Variants in MTHFD1L observed in about 807,000 individuals in gnomAD.
The protein encoded by MTHFD1L is monofunctional C1-tetrahydrofolate synthase, mitochondrial.
MTHFD1L carries 81 observed loss-of-function variants against 119.5 expected under a neutral mutation model. The ratio of observed to expected loss-of-function variants is 0.68; its 90% CI spans 0.57 to 0.82. The LOEUF (loss-of-function observed/expected upper bound fraction) is 0.82. MTHFD1L is among the 40% of genes least tolerant of loss of function. MTHFD1L has a pLI of 0.00. For missense variants in MTHFD1L, 1,125 were observed against 1,253.4 expected (o/e 0.90, Z 1.55); for synonymous variants, 430 against 475.2 (o/e 0.90, Z 1.24).
chr6:150,913,409 C>T (rs1223890183), intron 8 of MTHFD1L, among the ~76,000 whole-genome samples: 3 of 152,086 alleles, frequency 2.0e-5, no homozygotes, highest in Non-Finnish European at 2.9e-5. Flanking sequence ...TGGTCATCCG[C>T]CCGACTCGGC....
At chr6:150,883,542 T>C (rs530293638) in intron 5 of MTHFD1L, among the ~76,000 whole-genome samples, 2 of 152,208 alleles carry the variant, frequency 1.3e-5, no homozygotes, top group Non-Finnish European at 2.9e-5. Context: ...CTTAGAAACC[T>C]GATTCCCCAG....
intron 27 of MTHFD1L, among the ~76,000 whole-genome samples, chr6:151,100,766 A>G (rs1048077600): frequency 6.6e-6 from 1 of 152,142 alleles, no homozygotes; most frequent in African/African-American, 2.4e-5. Context: ...TTCCAGGACC[A>G]TGAACTTCCA....
intron 20 of MTHFD1L, among the ~76,000 whole-genome samples, chr6:150,991,468 C>G (rs1439682118): frequency 6.6e-6 from 1 of 152,002 alleles, no homozygotes; most frequent in Admixed American, 6.6e-5. Context: ...TTTTGTTTGC[C>G]TGGAGGTAAT....
intron 20 of MTHFD1L, among the ~76,000 whole-genome samples, chr6:150,977,065 T>G (rs9478157): frequency 0.45 from 68,283 of 152,044 alleles, 17,598 homozygotes; most frequent in African/African-American, 0.67. Flanking sequence ...GGGAATCAAA[T>G]ATGAATAAGA....
intron 26 of MTHFD1L, chr6:151,041,855 C>T (rs747950920): frequency 1.9e-6 from 1 of 530,116 alleles, no homozygotes. Context: ...TAAACATCTC[C>T]AGCATTGCTG....
chr6:150,891,186 A>G (rs942565780), intron 7 of MTHFD1L, among the ~76,000 whole-genome samples: 3 of 152,082 alleles, frequency 2.0e-5, no homozygotes, highest in African/African-American at 7.2e-5. Context: ...GGGTTTCACC[A>G]TGTTGGCCAG....
intron 27 of MTHFD1L, among the ~76,000 whole-genome samples, chr6:151,095,964 G>A (rs950053798): frequency 2.0e-5 from 3 of 152,150 alleles, no homozygotes; most frequent in Non-Finnish European, 2.9e-5. Flanking sequence ...CAGAGAAGTC[G>A]ACAACCTGCT....
chr6:150,896,581 G>T (rs1784260813), intron 7 of MTHFD1L, among the ~76,000 whole-genome samples: 1 of 152,198 alleles, frequency 6.6e-6, no homozygotes. Context: ...TAAGTGCACT[G>T]AATAGTGTTG....
chr6:150,868,311 C>T (rs892260453), intron 1 of MTHFD1L, among the ~76,000 whole-genome samples: 14 of 151,212 alleles, frequency 9.3e-5, no homozygotes, highest in South Asian at 2.1e-4. Flanking sequence ...ACATACAAGA[C>T]AAGTCCCTCA....
In MTHFD1L at chr6:151,001,730, G is replaced by A. The variant is rs11962200; in HGVS notation, c.2126-8089G>A. On this transcript the variant is annotated intron_variant, in intron 20 of 27. Coordinates refer to ENST00000367321, the MANE Select transcript of MTHFD1L (RefSeq NM_015440.5). Reference sequence around the variant, plus strand: ...TACCTGTGTGGCCTGTTCCTGCCTGGGGTTGGGTACCAAGTCCAGGTGGAA... The same window carrying A: ...TACCTGTGTGGCCTGTTCCTGCCTGAGGTTGGGTACCAAGTCCAGGTGGAA... 8.4e-3 allele frequency among the ~76,000 whole-genome samples: 1,277 copies of A among 152,156 alleles called. 15 individuals are homozygous for A. Among genetic ancestry groups the A allele is most frequent in the African/African-American group, 0.03 (1,230 of 41,504 alleles).
At chr6:150,877,495 A>G in intron 2 of MTHFD1L, 139 bp from the exon 3 acceptor site, 1 of 915,424 alleles carries the variant, frequency 1.1e-6, no homozygotes, top group Non-Finnish European at 1.7e-6. Context: ...CCTTTTTATA[A>G]GCAGCAAGAT....
chr6:151,093,198 T>C (rs912109248), intron 27 of MTHFD1L, among the ~76,000 whole-genome samples: 6 of 152,190 alleles, frequency 3.9e-5, no homozygotes, highest in Admixed American at 6.5e-5. Flanking sequence ...CAGTGGTGGC[T>C]GTCACTCCCT....
At chr6:150,993,298 T>G (rs1430801209) in intron 20 of MTHFD1L, among the ~76,000 whole-genome samples, 1 of 152,082 alleles carries the variant, frequency 6.6e-6, no homozygotes, top group Admixed American at 6.5e-5. Context: ...GAATTTAGAG[T>G]AATTTAGAGA....
intron 26 of MTHFD1L, among the ~76,000 whole-genome samples, chr6:151,051,970 T>TG (rs1187742035): frequency 6.6e-6 from 1 of 151,812 alleles, no homozygotes. Flanking sequence ...GAGCTTCCAG[T>TG]GGGGGCAATA....
intron 26 of MTHFD1L, among the ~76,000 whole-genome samples, chr6:151,051,209 C>A (rs977257397): frequency 6.6e-6 from 1 of 152,170 alleles, no homozygotes; most frequent in Admixed American, 6.5e-5. Context: ...TTTTAGGAAA[C>A]CTGTGACTGG....
intron 7 of MTHFD1L, among the ~76,000 whole-genome samples, chr6:150,891,202 T>G (rs549110788): frequency 6.6e-6 from 1 of 152,220 alleles, no homozygotes; most frequent in South Asian, 2.1e-4. Context: ...GCCAGGCTGG[T>G]CTGGAACTCC....
intron 20 of MTHFD1L, 120 bp downstream of exon 20, chr6:150,972,178 A>G (rs950922966): frequency 1.2e-6 from 1 of 834,862 alleles, no homozygotes; most frequent in African/African-American, 1.7e-5. Context: ...ACCCTCTTTC[A>G]TAGAGGGTCT....
At chr6:151,034,178 A>G (rs1406048706) in intron 24 of MTHFD1L, among the ~76,000 whole-genome samples, 1 of 151,750 alleles carries the variant, frequency 6.6e-6, no homozygotes, top group Non-Finnish European at 1.5e-5. Context: ...AAAAAAAAAA[A>G]GAAATTATAG....
At chr6:151,090,163 G>A (rs756622548) in intron 26 of MTHFD1L, among the ~76,000 whole-genome samples, 5 of 152,206 alleles carry the variant, frequency 3.3e-5, no homozygotes, top group African/African-American at 4.8e-5. Context: ...GCCCAGCTAG[G>A]CAGGGAAGGG....
Sources: allele counts gnomAD v4.1 joint callset (sites outside exome capture counted in the v4.1 genomes callset), GRCh38; gene constraint gnomAD v4.1.1; transcripts MANE v1.5; gene names NCBI Gene and HGNC (gene_info 2026-07-23, HGNC 2026-07-21).